Variants in RBM12B observed in about 807,000 individuals in gnomAD.
RBM12B encodes RNA binding motif protein 12B.
RBM12B carries 10 observed loss-of-function variants against 34.3 expected under a neutral mutation model. The ratio of observed to expected loss-of-function variants is 0.29; its 90% confidence interval spans 0.18 to 0.49. The LOEUF (loss-of-function observed/expected upper bound fraction) is 0.49. Among genes scored for constraint, RBM12B ranks in the 20% least tolerant of loss-of-function variants. The probability of loss-of-function intolerance (pLI) is 0.99; values close to 1 mark genes in which losing one functional copy is unlikely to be tolerated. For synonymous variants in RBM12B, 477 were observed against 437.1 expected (o/e 1.09, Z -1.14); for missense variants, 1,139 against 1,262.7 (o/e 0.90, Z 1.48).
intron 1 of RBM12B, 85 bp downstream of exon 1, chr8:93,740,796 C>T (rs1453338257): frequency 3.0e-6 from 1 of 336,468 alleles, no homozygotes; most frequent in Non-Finnish European, 5.8e-6. Flanking sequence ...CCCGCCTTTC[C>T]CCGTTCTTCC....
chr8:93,733,837 G>C lies in RBM12B; in HGVS notation c.2574C>G (p.Asp858Glu). 6.2e-7 allele frequency: 1 copy of C among 1,614,110 alleles called. No individual in the cohort carries two copies. The highest frequency in any genetic ancestry group is 1.1e-5 in the South Asian group (1 of 91,078). ...GTCTAAAATTGTCAGGAAGTCTAGG[G>C]TCCTCCTCCGGAGCTTCCCTAAGGT... is the stretch of plus-strand genomic sequence containing the variant. Reference protein sequence around the residue: ...EEDLREAPEEDPRLPDNFRPP... With the variant: ...EEDLREAPEEEPRLPDNFRPP... The change falls in exon 4 of 4, where the codon GAC (aspartate) becomes GAG (glutamate). Residue 858 changes from aspartate to glutamate, a missense_variant. Asp to Glu is a conservative substitution (Grantham distance 45). Coordinates refer to ENST00000520560, the MANE Select transcript of RBM12B (RefSeq NM_001377960.1).
rs971792451 is a variant in RBM12B, at chr8:93,729,860, G to GT, written c.*3544dup. The GT allele has an allele frequency of 1.3e-5, 2 of 152,312 alleles. No homozygotes were observed. Among genetic ancestry groups the GT allele is most frequent in the African/African-American group, 4.8e-5 (2 of 41,574 alleles). 9.4% of individuals were successfully genotyped at this position (152,312 alleles called of 1,614,324 possible). A position where few individuals can be genotyped will look rare whatever the true frequency, so the allele number is the denominator to read the frequency against. Reference sequence around the variant, plus strand: ...GCAACCAATCCAACCAACCCAGCCTGTAAGTCTCCATCTCTTATCTCCAAA... The same window carrying GT: ...GCAACCAATCCAACCAACCCAGCCTGTTAAGTCTCCATCTCTTATCTCCAAA... On this transcript the variant is annotated 3_prime_UTR_variant, in exon 4 of 4. Transcript: ENST00000520560.
At chr8:93,737,750 A>G (rs1471779199) in intron 2 of RBM12B, among the ~76,000 whole-genome samples, 1 of 150,856 alleles carries the variant, frequency 6.6e-6, no homozygotes, top group Non-Finnish European at 1.5e-5. Context: ...GCTGTACACA[A>G]GTTTTACATC....
Position 93,734,809 on chromosome 8 carries a change from C to T in RBM12B, c.1602G>A (p.Leu534=), listed in dbSNP as rs765997756. ...GATGCTTGAAGTTATCCAGTTGCCTCAAGTCCTCTAGCTGATGTCTAAAGT... is the reference window on the plus strand; with the variant it reads ...GATGCTTGAAGTTATCCAGTTGCCTTAAGTCCTCTAGCTGATGTCTAAAGT... The part of the protein sequence containing the change: ...FENFRHQLED[L]RQLDNFKHPQ... The change falls in exon 4 of 4, where the codon TTG becomes TTA. Residue 534 remains leucine (L), a synonymous_variant. Coordinates refer to ENST00000520560, the MANE Select transcript of RBM12B (RefSeq NM_001377960.1). 1 of 1,614,062 alleles carries T rather than the reference C, an allele frequency of 6.2e-7. No homozygotes were observed. The highest frequency in any genetic ancestry group is 8.5e-7 in the Non-Finnish European group (1 of 1,180,032).
rs1220810757 is a variant in RBM12B, at chr8:93,728,340, A to G, written c.*5065T>C. The G allele has an allele frequency of 1.5e-6, 2 of 1,291,432 alleles. No homozygotes were observed. The highest frequency in any genetic ancestry group is 2.2e-6 in the Non-Finnish European group (2 of 913,200). The allele number at this position is 1,291,432 out of a possible 1,614,324, so 80.0% of individuals were successfully genotyped here. On this transcript the variant is annotated 3_prime_UTR_variant, in exon 4 of 4. Transcript: ENST00000520560. ...TCATCATAAATGACTTGAAATCCAC[A>G]ATGACTAAATTGTAGAACTTTATAC...
At chr8:93,736,461 A>G in intron 3 of RBM12B, 23 bp from the exon 4 acceptor site, 1 of 1,489,204 alleles carries the variant, frequency 6.7e-7, no homozygotes, top group African/African-American at 1.4e-5. Flanking sequence ...AGGTACACAT[A>G]ATAGCAAGTC....
At position 93,735,243 on chromosome 8, in the gene RBM12B, A is replaced by T. The variant is rs749703724; in HGVS notation, c.1168T>A (p.Tyr390Asn). The part of the protein sequence containing the change: ...RDRPGHVSQK[Y>N]SQEGNSGQKL... Reference sequence around the variant, plus strand: ...TGGCCAGAGTTACCTTCTTGAGAGTATTTTTGTGAAACATGTCCGGGCCTA... The same window carrying T: ...TGGCCAGAGTTACCTTCTTGAGAGTTTTTTTGTGAAACATGTCCGGGCCTA... The change falls in exon 4 of 4, where the codon TAC (tyrosine) becomes AAC (asparagine). Residue 390 changes from tyrosine (Y) to asparagine (N), a missense_variant. Around this residue, in one of 3 missense-constraint regions of RBM12B, gnomAD observed 863 missense variants for 869.5 expected, o/e 0.99. Transcript: ENST00000520560. 11 of 1,613,888 alleles carry T rather than the reference A, an allele frequency of 6.8e-6. No homozygotes were observed. The highest frequency in any genetic ancestry group is 9.3e-6 in the Non-Finnish European group (11 of 1,180,030).
Position 93,734,288 on chromosome 8 carries a change from C to G in RBM12B, c.2123G>C (p.Arg708Thr). ...DFRRPPEEDF[R>T]HSPEEDFRQS... ...CCTGAAGTCCTCCTCAGGGGAATGC[C>G]TGAAATCCTCCTCTGGGGGCCGCCT... Residue 708 changes from arginine to threonine, a missense_variant, in exon 4 of 4, where the codon AGG (arginine) becomes ACG (threonine). By Grantham distance (71) the Arg-to-Thr change is moderately conservative. Around this residue, in one of 3 missense-constraint regions of RBM12B, gnomAD observed 863 missense variants for 869.5 expected, o/e 0.99. Coordinates refer to ENST00000520560, the MANE Select transcript of RBM12B (RefSeq NM_001377960.1). The G allele has an allele frequency of 6.2e-7, 1 of 1,613,860 alleles. No individual in the cohort carries two copies. Among genetic ancestry groups the G allele is most frequent in the South Asian group, 1.1e-5 (1 of 91,072 alleles).
At chr8:93,740,430 A>T (rs1301459611) in intron 2 of RBM12B, 199 bp downstream of exon 2, 3 of 457,216 alleles carry the variant, frequency 6.6e-6, no homozygotes, top group African/African-American at 6.0e-5. Flanking sequence ...ATCAGCCTTC[A>T]AATTAACCTG....
Position 93,738,535 on chromosome 8 carries a change from C to CACT in RBM12B, c.-77-1183_-77-1181dup, listed in dbSNP as rs1812093594. On this transcript the variant is annotated intron_variant, in intron 2 of 3. Transcript: ENST00000520560. ...GGAGTGCACTGGTGCGATCTTGGCT[C>CACT]ACTACAGCCTCGACTTACCCAGGCT... 3.9e-5 allele frequency among the ~76,000 whole-genome samples: 6 copies of CACT among 152,314 alleles called. No homozygotes were observed. In the South Asian group the frequency reaches 1.2e-3, roughly 32 times the overall value.
rs1287524481 is a variant in RBM12B at position 93,729,809 on chromosome 8, T to C, written c.*3596A>G. Reference sequence around the variant, plus strand: ...AAAATGTGAAAAACCATTCCTAGCTTCCACTACAACAACAACAAAAAACAG... The same window carrying C: ...AAAATGTGAAAAACCATTCCTAGCTCCCACTACAACAACAACAAAAAACAG... On this transcript the variant is annotated 3_prime_UTR_variant, in exon 4 of 4. Transcript: ENST00000520560. The C allele has an allele frequency of 3.3e-5, 5 of 152,080 alleles. No individual in the cohort carries two copies. In the East Asian group the frequency reaches 9.7e-4, roughly 29 times the overall value. 9.4% of individuals were successfully genotyped at this position (152,080 alleles called of 1,614,324 possible).
rs1811770052 is a variant in RBM12B at position 93,731,011 on chromosome 8, T to C, written c.*2394A>G. On this transcript the variant is annotated 3_prime_UTR_variant, in exon 4 of 4. Transcript: ENST00000520560. ...CTCTGTCTCTACAAATAATAAAAAA[T>C]TTAGCCAGACAAGGTGGCACACACC... 1 of 151,976 alleles carries C rather than the reference T, an allele frequency of 6.6e-6. No homozygotes were observed. Among genetic ancestry groups the C allele is most frequent in the African/African-American group, 2.4e-5 (1 of 41,350 alleles). 9.4% of individuals were successfully genotyped at this position (151,976 alleles called of 1,614,324 possible).
At chr8:93,740,794 T>G (rs2130489895) in intron 1 of RBM12B, 87 bp downstream of exon 1, 1 of 332,394 alleles carries the variant, frequency 3.0e-6, no homozygotes, top group Admixed American at 4.3e-5. Context: ...GTCCCGCCTT[T>G]CCCCGTTCTT....
At position 93,728,249 on chromosome 8, in the gene RBM12B, TGAG is replaced by T. The variant is rs1312359843; in HGVS notation, c.*5153_*5155del. The T allele has an allele frequency of 1.9e-6, 3 of 1,599,690 alleles. No individual in the cohort carries two copies. The highest frequency in any genetic ancestry group is 2.7e-5 in the African/African-American group (2 of 73,862). ...GAAAGGATCAACAAGCAGAAGATGA[TGAG>T]GATGACGAGTTAGATGTTACAGAAG... On this transcript the variant is annotated 3_prime_UTR_variant, in exon 4 of 4. Coordinates refer to ENST00000520560, the MANE Select transcript of RBM12B (RefSeq NM_001377960.1).
Position 93,735,901 on chromosome 8 carries a change from A to G in RBM12B, c.510T>C (p.Asp170=). Residue 170 remains aspartate, a synonymous_variant, in exon 4 of 4, where the codon GAT becomes GAC. Transcript: ENST00000520560. The part of the protein sequence containing the change: ...RGLPYLVNED[D]VRVFFSGLCV... ...ACAAACCAGAGAAAAAGACACGTAC[A>G]TCATCTTCATTTACTAGGTAAGGCA... The G allele has an allele frequency of 6.2e-7, 1 of 1,614,192 alleles. No homozygotes were observed. The highest frequency in any genetic ancestry group is 8.5e-7 in the Non-Finnish European group (1 of 1,180,038).
chr8:93,734,549 C>A lies in RBM12B; in HGVS notation c.1862G>T (p.Arg621Met), dbSNP rs1306649064. The stretch of plus-strand genomic sequence containing the variant: ...CCGCCTCCAGTCCTCCTCAAGGGGC[C>A]TCCTCCAGTCCTCCTCCCTAGGGTG... Reference protein sequence around the residue: ...FRHPREEDWRRPLEEDWRRPL... With the variant: ...FRHPREEDWRMPLEEDWRRPL... Residue 621 changes from arginine (R) to methionine (M), a missense_variant, in exon 4 of 4, where the codon AGG becomes ATG. Around this residue, in one of 3 missense-constraint regions of RBM12B, gnomAD observed 863 missense variants for 869.5 expected, o/e 0.99. Coordinates refer to ENST00000520560, the MANE Select transcript of RBM12B (RefSeq NM_001377960.1). 1 of 1,613,252 alleles carries A rather than the reference C, an allele frequency of 6.2e-7. No homozygotes were observed. Among genetic ancestry groups the A allele is most frequent in the Admixed American group, 1.7e-5 (1 of 59,956 alleles).
At chr8:93,740,547 C>T (rs935905607) in intron 2 of RBM12B, 82 bp downstream of exon 2, 3 of 456,460 alleles carry the variant, frequency 6.6e-6, no homozygotes, top group African/African-American at 6.0e-5. Flanking sequence ...AAACACTTGC[C>T]CTTCTCAAGC....
At chr8:93,740,055 C>A in intron 2 of RBM12B, 1 of 298,006 alleles carries the variant, frequency 3.4e-6, no homozygotes, top group South Asian at 2.9e-5. Context: ...GCGACTACTT[C>A]GTAAAGCCCA....
rs1460064840 is a variant in RBM12B, at chr8:93,728,616, G to A, written c.*4789C>T. On this transcript the variant is annotated 3_prime_UTR_variant, in exon 4 of 4. Transcript: ENST00000520560. ...TAGTACATTATGACAGAAACCAAAA[G>A]ATCTAACAATTCTGCTTAGCTTTTT... The A allele has an allele frequency of 5.8e-6, 1 of 172,140 alleles. No homozygotes were observed. The highest frequency in any genetic ancestry group is 6.3e-5 in the Admixed American group (1 of 15,790). The allele number at this position is 172,140 out of a possible 1,614,324, so 10.7% of individuals were successfully genotyped here.
Sources: gnomAD v4.1 joint callset for allele counts (sites outside exome capture counted in the v4.1 genomes callset) on GRCh38, gnomAD v4.1.1 for gene constraint, gnomAD v4.1.1 regional missense constraint, MANE v1.5 for transcripts, NCBI Gene and HGNC (gene_info 2026-07-23, HGNC 2026-07-21) for gene names.